Variants in PNKD observed in about 807,000 individuals in gnomAD.
PNKD encodes PNKD metallo-beta-lactamase domain containing, also known as probable thioesterase PNKD.
Under a neutral mutation model 45.3 loss-of-function variants are expected in PNKD, and 36 were observed. The observed-to-expected ratio is 0.80, with a 90% confidence interval of 0.61 to 1.05. PNKD has a LOEUF of 1.05. Ranked by LOEUF, PNKD falls within the 50% of genes least tolerant of loss-of-function variation. The pLI is 0.00. For synonymous variants in PNKD, 197 were observed against 210.1 expected (o/e 0.94, Z 0.54); for missense variants, 511 against 506.6 (o/e 1.01, Z -0.08).
At chr2:218,273,463 G>T (rs1574618984) in intron 2 of PNKD, among the ~76,000 whole-genome samples, 11 of 125,602 alleles carry the variant, frequency 8.8e-5, no homozygotes, top group Non-Finnish European at 8.3e-5. Context: ...TTTTTTTTTT[G>T]GATTTTTTTT....
At chr2:218,310,207 A>C (rs1439340810) in intron 2 of PNKD, among the ~76,000 whole-genome samples, 2 of 151,966 alleles carry the variant, frequency 1.3e-5, no homozygotes, top group Non-Finnish European at 2.9e-5. Flanking sequence ...GCCACATGAC[A>C]ATGTTTTTTG....
At chr2:218,306,004 T>A (rs796186719) in intron 2 of PNKD, among the ~76,000 whole-genome samples, 2 of 152,216 alleles carry the variant, frequency 1.3e-5, no homozygotes, top group African/African-American at 4.8e-5. Context: ...CCTGGAAGGG[T>A]ATCACATCCC....
chr2:218,279,311 T>C lies in PNKD; in HGVS notation c.236+7762T>C, dbSNP rs765010198. 2.5e-6 allele frequency: 4 copies of C among 1,589,344 alleles called. No individual in the cohort carries two copies. In the East Asian group the frequency reaches 9.0e-5, roughly 36 times the overall value. ...TACACAAAGGTGAAGATAGCAATGA[T>C]GGCCACAGTGATGAGCAGCTGCACG... On this transcript the variant is annotated intron_variant, in intron 2 of 9. Transcript: ENST00000273077.
At chr2:218,282,155 C>T in intron 2 of PNKD, 2 of 1,469,688 alleles carry the variant, frequency 1.4e-6, no homozygotes, top group Non-Finnish European at 1.8e-6. Flanking sequence ...TGCTCACGGG[C>T]TGAGGGGGAA....
intron 2 of PNKD, among the ~76,000 whole-genome samples, chr2:218,319,679 T>A (rs1313557746): frequency 6.6e-6 from 1 of 152,238 alleles, no homozygotes; most frequent in East Asian, 1.9e-4. Context: ...CGGCCCCGTC[T>A]TGTGTATTAT....
Position 218,271,464 on chromosome 2 carries a change from G to A in PNKD, c.151G>A (p.Glu51Lys), listed in dbSNP as rs1205253054. Residue 51 changes from glutamate (E) to lysine (K), a missense_variant, in exon 2 of 10, where the codon GAG (glutamate) becomes AAG (lysine). Transcript: ENST00000273077. ...LQSHSSPEGK[E>K]EPEPLSPELE... ...AAGCCACAGCTCCCCAGAGGGCAAG[G>A]AGGAACCTGAACCCCTATCCCCGGA... 6.2e-7 allele frequency: 1 copy of A among 1,614,136 alleles called. No individual in the cohort carries two copies. The highest frequency in any genetic ancestry group is 1.1e-5 in the South Asian group (1 of 91,086).
intron 2 of PNKD, among the ~76,000 whole-genome samples, chr2:218,325,629 T>A (rs1181126596): frequency 6.6e-6 from 1 of 152,160 alleles, no homozygotes; most frequent in African/African-American, 2.4e-5. Context: ...TTTGAGGTCA[T>A]ACAAATGGCC....
At chr2:218,323,379 G>T in intron 2 of PNKD, 2 of 1,578,348 alleles carry the variant, frequency 1.3e-6, no homozygotes, top group Non-Finnish European at 1.7e-6. Context: ...AGCGCGGCGG[G>T]GCCTCCGCGG....
intron 2 of PNKD, chr2:218,278,010 G>T (rs776203040): frequency 1.9e-6 from 3 of 1,612,884 alleles, no homozygotes; most frequent in Non-Finnish European, 2.5e-6. Flanking sequence ...AAATGACTTG[G>T]GGCCCCTCAG....
At chr2:218,278,670 A>G in intron 2 of PNKD, 2 of 1,260,642 alleles carry the variant, frequency 1.6e-6, no homozygotes, top group Admixed American at 1.8e-5. Context: ...TGGAAGTCTG[A>G]GGGGAAGCAA....
chr2:218,344,822 G>A lies in PNKD; in HGVS notation c.999G>A (p.Leu333=), dbSNP rs1360008961. The A allele has an allele frequency of 1.2e-6, 2 of 1,613,778 alleles. No individual in the cohort carries two copies. Among genetic ancestry groups the A allele is most frequent in the Non-Finnish European group, 1.7e-6 (2 of 1,179,802 alleles). ...CTCACCCACAGTGCCCATCTACCCT[G>A]GGAGAGGAGCGCTCCTACAACCCGT... The part of the protein sequence containing the change: ...LERKGTCPST[L]GEERSYNPFL... Residue 333 remains leucine, a synonymous_variant, in exon 10 of 10, where the codon CTG becomes CTA. Coordinates refer to ENST00000273077, the MANE Select transcript of PNKD (RefSeq NM_015488.5).
At chr2:218,342,243 C>A in intron 7 of PNKD, 99 bp downstream of exon 7, 1 of 996,924 alleles carries the variant, frequency 1.0e-6, no homozygotes, top group Non-Finnish European at 1.5e-6. Flanking sequence ...TTAGTTTTAG[C>A]ACAGATGTTG....
Position 218,297,997 on chromosome 2 carries a change from CAA to C in PNKD, c.236+26462_236+26463del, listed in dbSNP as rs60172979. Among the ~76,000 whole-genome samples, 21 of 130,188 alleles carry C rather than the reference CAA, an allele frequency of 1.6e-4. 1 individual carries two copies. The highest frequency in any genetic ancestry group is 1.6e-4 in the Non-Finnish European group (10 of 61,368). 85.4% of individuals were successfully genotyped at this position (130,188 alleles called of 152,430 possible). ...TGGGCAACAGAGGGAGACTCCATCTCAAAAAAAAAAAAAAAGAGAGAGAGAAA... is the reference window on the plus strand; with the variant it reads ...TGGGCAACAGAGGGAGACTCCATCTCAAAAAAAAAAAAAGAGAGAGAGAAA... On this transcript the variant is annotated intron_variant, in intron 2 of 9. Coordinates refer to ENST00000273077, the MANE Select transcript of PNKD (RefSeq NM_015488.5).
Position 218,346,223 on chromosome 2 carries a change from T to A in PNKD, c.*1242T>A, listed in dbSNP as rs1030905289. 3 of 152,700 alleles carry A rather than the reference T, an allele frequency of 2.0e-5. No homozygotes were observed. The highest frequency in any genetic ancestry group is 7.2e-5 in the African/African-American group (3 of 41,438). 9.5% of individuals were successfully genotyped at this position (152,700 alleles called of 1,614,324 possible). A position where few individuals can be genotyped will look rare whatever the true frequency, so the allele number is the denominator to read the frequency against. ...AGGAACCCTGTGGTCCTCAGGCAGG[T>A]GTACCTTGAGTCAGCCAGGAGCCCT... On this transcript the variant is annotated 3_prime_UTR_variant, in exon 10 of 10. Transcript: ENST00000273077.
intron 2 of PNKD, among the ~76,000 whole-genome samples, chr2:218,291,409 A>G (rs1002836830): frequency 6.6e-6 from 1 of 152,152 alleles, no homozygotes. Flanking sequence ...TGGCCAGCCC[A>G]AAGTCGCCAG....
chr2:218,333,702 C>CCT (rs1326504390), intron 2 of PNKD, among the ~76,000 whole-genome samples: 1 of 152,122 alleles, frequency 6.6e-6, no homozygotes, highest in Non-Finnish European at 1.5e-5. Context: ...GTTGCCAGAG[C>CCT]CTCTGTTCTT....
intron 2 of PNKD, among the ~76,000 whole-genome samples, chr2:218,337,437 G>A (rs1045663558): frequency 6.6e-6 from 1 of 152,158 alleles, no homozygotes; most frequent in African/African-American, 2.4e-5. Flanking sequence ...AGGAAGGATG[G>A]AAAGGAAAAG....
At chr2:218,277,368 T>A in intron 2 of PNKD, 2 of 1,613,954 alleles carry the variant, frequency 1.2e-6, no homozygotes, top group Non-Finnish European at 1.7e-6. Flanking sequence ...GCCCTCACCT[T>A]GGTCTGAAAG....
chr2:218,345,688 G>A lies in PNKD; in HGVS notation c.*707G>A, dbSNP rs1694810650. On this transcript the variant is annotated 3_prime_UTR_variant, in exon 10 of 10. Coordinates refer to ENST00000273077, the MANE Select transcript of PNKD (RefSeq NM_015488.5). Reference sequence around the variant, plus strand: ...CTCATTGGGCTAAGGAGACACTGGAGTCTGGAGTGTGGAGCCCCACAGTCT... The same window carrying A: ...CTCATTGGGCTAAGGAGACACTGGAATCTGGAGTGTGGAGCCCCACAGTCT... The A allele has an allele frequency of 2.6e-5, 4 of 152,600 alleles. No homozygotes were observed. Among genetic ancestry groups the A allele is most frequent in the Non-Finnish European group, 5.9e-5 (4 of 68,258 alleles). The allele number at this position is 152,600 out of a possible 1,614,324, so 9.5% of individuals were successfully genotyped here. A position where few individuals can be genotyped will look rare whatever the true frequency, so the allele number is the denominator to read the frequency against.
Sources: gnomAD v4.1 joint callset for allele counts (sites outside exome capture counted in the v4.1 genomes callset) on GRCh38, gnomAD v4.1.1 for gene constraint, MANE v1.5 for transcripts, NCBI Gene and HGNC (gene_info 2026-07-23, HGNC 2026-07-21) for gene names.